Variants in OGDH observed in about 807,000 individuals in gnomAD.
The protein encoded by OGDH is 2-oxoglutarate dehydrogenase complex component E1.
Under a neutral mutation model 116.6 loss-of-function variants are expected in OGDH, and 38 were observed. The observed-to-expected ratio is 0.33, with a 90% CI of 0.25 to 0.43. OGDH has a LOEUF of 0.43. Ranked by LOEUF, OGDH falls within the 20% of genes least tolerant of loss-of-function variation. OGDH has a pLI of 1.00. For synonymous variants in OGDH, 488 were observed against 533.3 expected, an observed-to-expected ratio of 0.92 and a Z score of 1.17; for missense variants, 825 against 1,357.2, an observed-to-expected ratio of 0.61 and a Z score of 6.16.
chr7:44,611,156 G>A (rs1157320945), intron 1 of OGDH, among the ~76,000 whole-genome samples: 1 of 147,832 alleles, frequency 6.8e-6, no homozygotes, highest in Admixed American at 6.9e-5. Flanking sequence ...GCTCACCGCA[G>A]CCTCAACCTC....
chr7:44,659,448 A>T (rs1337766589), intron 4 of OGDH, among the ~76,000 whole-genome samples: 2 of 152,238 alleles, frequency 1.3e-5, no homozygotes, highest in Admixed American at 6.5e-5. Flanking sequence ...TCCAAAAGAC[A>T]GTAAATAGAA....
chr7:44,678,079 C>T (rs1787776394), intron 9 of OGDH, among the ~76,000 whole-genome samples: 1 of 152,002 alleles, frequency 6.6e-6, no homozygotes, highest in South Asian at 2.1e-4. Context: ...CACAGGGACG[C>T]AGAGGTCATT....
At position 44,694,084 on chromosome 7, in the gene OGDH, G is replaced by T; in HGVS notation, c.1515+80G>T. On this transcript the variant is annotated intron_variant, in intron 11 of 22. Transcript: ENST00000222673. The surrounding 1 kb of genome is among the most constrained non-coding windows in gnomAD (Gnocchi z 4.2). ...TGCCCTCGGCACCCCTGTGTCCCAA[G>T]GAGAGGAGCTTGTCTAGATGAGTCA... The T allele has an allele frequency of 6.9e-7, 1 of 1,453,456 alleles. No homozygotes were observed. The highest frequency in any genetic ancestry group is 9.3e-7 in the Non-Finnish European group (1 of 1,076,062). The allele number at this position is 1,453,456 out of a possible 1,614,324, so 90.0% of individuals were successfully genotyped here.
chr7:44,682,368 A>G (rs1224895006), intron 10 of OGDH, among the ~76,000 whole-genome samples: 1 of 151,368 alleles, frequency 6.6e-6, no homozygotes, highest in East Asian at 1.9e-4. Flanking sequence ...CTGGACAACA[A>G]GAGCGAAACT....
chr7:44,623,193 C>G (rs1446431952), intron 1 of OGDH, among the ~76,000 whole-genome samples: 2 of 152,140 alleles, frequency 1.3e-5, no homozygotes, highest in Admixed American at 1.3e-4. Flanking sequence ...CTGGCTCTTC[C>G]CGTCTCTGTG....
intron 10 of OGDH, among the ~76,000 whole-genome samples, chr7:44,683,113 C>T (rs1787997577): frequency 6.6e-6 from 1 of 152,032 alleles, no homozygotes. Flanking sequence ...CACGCCACTG[C>T]ACTCCAGCCT....
intron 2 of OGDH, among the ~76,000 whole-genome samples, chr7:44,627,578 G>C (rs1466553729): frequency 1.3e-5 from 2 of 152,206 alleles, no homozygotes; most frequent in Admixed American, 1.3e-4. Flanking sequence ...CTTATGGGGG[G>C]CTGCAAGGAC....
At chr7:44,626,504 A>G (rs929256069) in intron 2 of OGDH, among the ~76,000 whole-genome samples, 2 of 152,122 alleles carry the variant, frequency 1.3e-5, no homozygotes, top group African/African-American at 4.8e-5. Context: ...GTTTTCAGTG[A>G]TGTTAGGATT....
chr7:44,676,228 C>T, intron 9 of OGDH, 79 bp downstream of exon 9: 1 of 1,612,680 alleles, frequency 6.2e-7, no homozygotes, highest in Non-Finnish European at 8.5e-7. Context: ...ACCAACATAA[C>T]CCAGAGCCCT....
At chr7:44,617,979 A>G (rs1407544347) in intron 1 of OGDH, among the ~76,000 whole-genome samples, 3 of 152,198 alleles carry the variant, frequency 2.0e-5, no homozygotes, top group Admixed American at 2.0e-4. Context: ...CAACTGGGGA[A>G]ATTCGAGGCA....
At chr7:44,658,699 A>G (rs1562647147) in intron 4 of OGDH, among the ~76,000 whole-genome samples, 2 of 152,094 alleles carry the variant, frequency 1.3e-5, no homozygotes, top group Non-Finnish European at 2.9e-5. Context: ...TGTTAACTGT[A>G]GATTTTTTGT....
At chr7:44,700,445 G>A (rs746311986) in intron 19 of OGDH, among the ~76,000 whole-genome samples, 176 bp downstream of exon 19, 1 of 152,210 alleles carries the variant, frequency 6.6e-6, no homozygotes, top group Non-Finnish European at 1.5e-5. Flanking sequence ...CTGCCATGAG[G>A]GAACTGCGTG....
intron 10 of OGDH, among the ~76,000 whole-genome samples, chr7:44,692,294 G>GT (rs1411197992): frequency 1.3e-5 from 2 of 152,204 alleles, no homozygotes; most frequent in African/African-American, 4.8e-5. Flanking sequence ...ACTCTGTGGG[G>GT]TATACTGTGT....
rs1363154262 is a variant in OGDH, at chr7:44,707,284, G to A, written c.2692G>A (p.Val898Ile). Residue 898 changes from valine (V) to isoleucine (I), a missense_variant, in exon 21 of 23, where the codon GTC becomes ATC. Transcript: ENST00000222673. The surrounding 1 kb of genome is among the most constrained non-coding windows in gnomAD (Gnocchi z 5.2). ...CCCTGCAGCTCAGAACCCAGAAAATGTCAAAAGGCTTCTCTTCTGCACCGG... is the reference window on the plus strand; with the variant it reads ...CCCTGCAGCTCAGAACCCAGAAAATATCAAAAGGCTTCTCTTCTGCACCGG... ...DGPAAQNPEN[V>I]KRLLFCTGKV... The A allele has an allele frequency of 6.2e-7, 1 of 1,614,130 alleles. No homozygotes were observed. The highest frequency in any genetic ancestry group is 1.7e-5 in the Admixed American group (1 of 60,012).
At chr7:44,643,094 TAAAAAAAA>T (rs769649359) in intron 2 of OGDH, among the ~76,000 whole-genome samples, 5 of 124,482 alleles carry the variant, frequency 4.0e-5, no homozygotes, top group African/African-American at 5.9e-5. Flanking sequence ...CCTGTTTCTT[TAAAAAAAA>T]AAAAAAAAAA....
At chr7:44,682,870 T>C (rs1318184587) in intron 10 of OGDH, among the ~76,000 whole-genome samples, 1 of 147,898 alleles carries the variant, frequency 6.8e-6, no homozygotes, top group Non-Finnish European at 1.5e-5. Flanking sequence ...ATAAATAGGC[T>C]GGGCGTGGTG....
intron 10 of OGDH, among the ~76,000 whole-genome samples, chr7:44,686,034 TTTTC>T (rs914155104): frequency 2.6e-5 from 4 of 151,848 alleles, no homozygotes; most frequent in Non-Finnish European, 5.9e-5. Context: ...TTAGTTCTAA[TTTTC>T]TTTCTTTCTT....
intron 4 of OGDH, among the ~76,000 whole-genome samples, chr7:44,656,646 G>A (rs1786703842): frequency 6.6e-6 from 1 of 152,140 alleles, no homozygotes; most frequent in African/African-American, 2.4e-5. Context: ...GCCATCTTCA[G>A]CATAATTCAC....
Position 44,696,417 on chromosome 7 carries a change from T to G in OGDH, c.1772-12T>G. On this transcript the variant is annotated splice_polypyrimidine_tract_variant and intron_variant, in intron 13 of 22. Coordinates refer to ENST00000222673, the MANE Select transcript of OGDH (RefSeq NM_002541.4). ...AGCAGATGTCATGCCTCAGTTGTTC[T>G]TCTTCTCCTAGGCTTCTTCACCCTG... 2 of 1,608,964 alleles carry G rather than the reference T, an allele frequency of 1.2e-6. No homozygotes were observed. The highest frequency in any genetic ancestry group is 1.7e-6 in the Non-Finnish European group (2 of 1,178,252).
Sources: gnomAD v4.1 joint callset for allele counts (sites outside exome capture counted in the v4.1 genomes callset) on GRCh38, gnomAD v4.1.1 for gene constraint, Gnocchi (gnomAD v3.1) non-coding constraint, MANE v1.5 for transcripts, NCBI Gene and HGNC (gene_info 2026-07-23, HGNC 2026-07-21) for gene names.